CALN1: variants seen among roughly 807,000 people sequenced by gnomAD.
CALN1 encodes calneuron 1.
CALN1 carries 17 observed loss-of-function variants against 30.6 expected under a neutral mutation model. That is an observed-to-expected ratio of 0.56 (90% CI 0.38 to 0.83). The LOEUF (loss-of-function observed/expected upper bound fraction) is 0.83. Among genes scored for constraint, CALN1 ranks in the 40% least tolerant of loss-of-function variants. CALN1 has a pLI of 0.00. For missense variants in CALN1, 291 were observed against 354.9 expected, an observed-to-expected ratio of 0.82 and a Z score of 1.45; for synonymous variants, 156 against 131.4, an observed-to-expected ratio of 1.19 and a Z score of -1.28.
intron 3 of CALN1, among the ~76,000 whole-genome samples, chr7:72,187,458 C>A (rs1380679227): frequency 2.0e-5 from 3 of 152,174 alleles, no homozygotes; most frequent in African/African-American, 7.2e-5. Context: ...CTGAGCTCTG[C>A]CTCCTGTAAG....
chr7:72,012,240 G>A (rs953038378), intron 5 of CALN1, among the ~76,000 whole-genome samples: 13 of 152,194 alleles, frequency 8.5e-5, no homozygotes, highest in Non-Finnish European at 1.3e-4. Context: ...TTAATCGGCC[G>A]GGCACGGTGG....
rs543600837 is a variant in CALN1, at chr7:72,339,859, A to G, written c.120-61049T>C. Among the ~76,000 whole-genome samples the G allele has an allele frequency of 3.3e-5, 5 of 152,318 alleles. No homozygotes were observed. In the South Asian group the frequency reaches 6.2e-4, roughly 19 times the overall value. On this transcript the variant is annotated intron_variant, in intron 2 of 6. Coordinates refer to ENST00000395275, the MANE Select transcript of CALN1 (RefSeq NM_031468.4). Reference sequence around the variant, plus strand: ...GGGGGAGACCTGTGCCCATGATTCAATTTCCTCCCAACAGATCCCTCCCAC... The same window carrying G: ...GGGGGAGACCTGTGCCCATGATTCAGTTTCCTCCCAACAGATCCCTCCCAC...
intron 3 of CALN1, among the ~76,000 whole-genome samples, chr7:72,169,405 GAGC>G (rs1309520792): frequency 6.6e-6 from 1 of 151,774 alleles, no homozygotes; most frequent in Non-Finnish European, 1.5e-5. Context: ...CTGCAGCCTC[GAGC>G]TCCTGGGGTC....
intron 2 of CALN1, among the ~76,000 whole-genome samples, chr7:72,349,563 A>T (rs1585556942): frequency 5.3e-5 from 8 of 152,324 alleles, no homozygotes; most frequent in Admixed American, 5.2e-4. Flanking sequence ...ATGTAATACT[A>T]ACTTCTTTTA....
intron 2 of CALN1, among the ~76,000 whole-genome samples, chr7:72,381,242 T>C (rs1804881126): frequency 1.3e-5 from 2 of 152,102 alleles, no homozygotes; most frequent in South Asian, 4.2e-4. Flanking sequence ...TTGGTGAGAG[T>C]GTAAATTAGT....
intron 3 of CALN1, among the ~76,000 whole-genome samples, chr7:72,258,467 C>T (rs1463882550): frequency 6.6e-6 from 1 of 152,178 alleles, no homozygotes; most frequent in African/African-American, 2.4e-5. Flanking sequence ...CTCCATCAAT[C>T]AATAACCCAA....
chr7:72,053,057 C>A (rs530148942), intron 4 of CALN1, among the ~76,000 whole-genome samples: 16 of 152,306 alleles, frequency 1.1e-4, no homozygotes, highest in African/African-American at 3.6e-4. Flanking sequence ...TGGTGAAACC[C>A]AGTCTCTACT....
At chr7:72,175,637 A>G (rs1789293278) in intron 3 of CALN1, among the ~76,000 whole-genome samples, 1 of 152,116 alleles carries the variant, frequency 6.6e-6, no homozygotes, top group Admixed American at 6.6e-5. Context: ...CACGCTGGAG[A>G]GGGTATTCCT....
the CALN1 span, among the ~76,000 whole-genome samples, chr7:72,467,381 G>A: frequency 1.3e-5 from 2 of 152,194 alleles, no homozygotes; most frequent in Non-Finnish European, 2.9e-5. Flanking sequence ...ACCCCAGCTA[G>A]GCTGTCAGCT....
chr7:72,133,876 A>G (rs1351233116), intron 3 of CALN1, among the ~76,000 whole-genome samples: 1 of 152,254 alleles, frequency 6.6e-6, no homozygotes, highest in African/African-American at 2.4e-5. Flanking sequence ...ATGTTACAAA[A>G]TAACTGGCCT....
intron 5 of CALN1, among the ~76,000 whole-genome samples, chr7:71,854,375 G>GAGAGAGAA (rs988247126): frequency 6.6e-6 from 1 of 151,012 alleles, no homozygotes; most frequent in African/African-American, 2.4e-5. Context: ...CAGACAGACA[G>GAGAGAGAA]AGAAAGAAAG....
the CALN1 span, among the ~76,000 whole-genome samples, chr7:72,482,065 C>T: frequency 6.6e-6 from 1 of 152,108 alleles, no homozygotes; most frequent in Non-Finnish European, 1.5e-5. Context: ...TTTCGAAGCT[C>T]TGTTATTAGG....
chr7:72,268,611 G>T (rs534974607), intron 3 of CALN1, among the ~76,000 whole-genome samples: 1 of 152,194 alleles, frequency 6.6e-6, no homozygotes, highest in Non-Finnish European at 1.5e-5. Context: ...TTCAAGACCA[G>T]CATGGGCAAC....
intron 4 of CALN1, among the ~76,000 whole-genome samples, chr7:72,046,210 A>G (rs1215091298): frequency 6.6e-6 from 1 of 151,950 alleles, no homozygotes; most frequent in Non-Finnish European, 1.5e-5. Context: ...GTACTCAGAA[A>G]GCTGAGGTGG....
intron 5 of CALN1, among the ~76,000 whole-genome samples, chr7:72,021,562 G>A (rs1800710317): frequency 6.6e-6 from 1 of 152,128 alleles, no homozygotes; most frequent in African/African-American, 2.4e-5. Flanking sequence ...ATGGTGAGTA[G>A]GGTCCTGGAG....
intron 4 of CALN1, among the ~76,000 whole-genome samples, chr7:72,058,519 A>C (rs921512337): frequency 4.0e-5 from 6 of 151,786 alleles, no homozygotes; most frequent in African/African-American, 1.2e-4. Flanking sequence ...GGGTTTCACC[A>C]TGTTGGTCAG....
intron 3 of CALN1, among the ~76,000 whole-genome samples, chr7:72,167,026 CCT>C (rs1788574289): frequency 6.6e-6 from 1 of 151,670 alleles, no homozygotes. Flanking sequence ...AGAGCAAGAC[CCT>C]GTCTCAAGGA....
intron 5 of CALN1, among the ~76,000 whole-genome samples, chr7:71,868,326 G>A (rs528035464): frequency 3.3e-5 from 5 of 151,794 alleles, no homozygotes; most frequent in South Asian, 2.1e-4. Flanking sequence ...CAAGCGAGAC[G>A]TCTCACATGG....
At chr7:72,043,683 A>G (rs941995729) in intron 4 of CALN1, among the ~76,000 whole-genome samples, 1 of 152,170 alleles carries the variant, frequency 6.6e-6, no homozygotes, top group Non-Finnish European at 1.5e-5. Context: ...AGGCAGAAGG[A>G]TCGCTTGAGC....
Sources: allele counts gnomAD v4.1 joint callset (sites outside exome capture counted in the v4.1 genomes callset), GRCh38; gene constraint gnomAD v4.1.1; transcripts MANE v1.5; gene names NCBI Gene and HGNC (gene_info 2026-07-23, HGNC 2026-07-21).